The following TMEM108 variants were observed in gnomAD, a reference collection of about 807,000 sequenced individuals.
TMEM108 encodes transmembrane protein 108, also known as cancer/testis antigen 124.
In TMEM108, 12 loss-of-function variants were observed where a neutral mutation model predicts 35.1. The observed-to-expected ratio is 0.34, with a 90% CI of 0.22 to 0.55. The LOEUF (loss-of-function observed/expected upper bound fraction) is 0.55. Among genes scored for constraint, TMEM108 ranks in the 20% least tolerant of loss-of-function variants. The probability of loss-of-function intolerance (pLI) is 0.89; values close to 1 mark genes in which losing one functional copy is unlikely to be tolerated. For synonymous variants in TMEM108, 287 were observed against 308.6 expected (o/e 0.93, Z 0.73); for missense variants, 680 against 753.3 (o/e 0.90, Z 1.14).
intron 2 of TMEM108, among the ~76,000 whole-genome samples, chr3:133,169,253 A>G (rs1945091973): frequency 6.6e-6 from 1 of 152,224 alleles, no homozygotes; most frequent in Admixed American, 6.5e-5. Flanking sequence ...GTCACATTCA[A>G]ACCATAGCAG....
chr3:133,384,154 C>T (rs1009213268), intron 4 of TMEM108, among the ~76,000 whole-genome samples: 2 of 152,200 alleles, frequency 1.3e-5, no homozygotes, highest in Admixed American at 1.3e-4. Flanking sequence ...TTCTCAGTGG[C>T]TTCATTTATC....
chr3:133,372,610 A>T (rs553327760), intron 3 of TMEM108, among the ~76,000 whole-genome samples: 1 of 152,342 alleles, frequency 6.6e-6, no homozygotes, highest in African/African-American at 2.4e-5. Context: ...GCTGGAATGT[A>T]TTCAAGAGAT....
At chr3:133,162,877 C>T (rs1350221074) in intron 2 of TMEM108, among the ~76,000 whole-genome samples, 3 of 152,168 alleles carry the variant, frequency 2.0e-5, no homozygotes, top group Non-Finnish European at 4.4e-5. Flanking sequence ...TTCCCAGCTG[C>T]ATTCTGTTTG....
intron 2 of TMEM108, among the ~76,000 whole-genome samples, chr3:133,222,869 C>T (rs1274052099): frequency 6.6e-6 from 1 of 151,954 alleles, no homozygotes; most frequent in East Asian, 1.9e-4. Context: ...CACTCTGTCA[C>T]CCAGGCTGGA....
rs577653659 is a variant in TMEM108 at position 133,349,360 on chromosome 3, A to T, written c.41-30392A>T. Among the ~76,000 whole-genome samples, 28 of 152,268 alleles carry T rather than the reference A, an allele frequency of 1.8e-4. No homozygotes were observed. In the South Asian group the frequency reaches 5.6e-3, roughly 30 times the overall value. ...GTAAAGGGATTATTTAAAATAGTAG[A>T]CCAGAAGAACAAAGAAAACAGGAGA... On this transcript the variant is annotated intron_variant, in intron 3 of 5. Transcript: ENST00000321871.
intron 4 of TMEM108, chr3:133,387,451 G>A: frequency 1.0e-6 from 1 of 985,472 alleles, no homozygotes; most frequent in Non-Finnish European, 1.2e-6. Context: ...ACAGCGTGGA[G>A]CAGAACTTTC....
intron 3 of TMEM108, among the ~76,000 whole-genome samples, chr3:133,351,276 G>A (rs1354801525): frequency 6.6e-6 from 1 of 152,096 alleles, no homozygotes; most frequent in East Asian, 1.9e-4. Context: ...CTGTGTGTCT[G>A]GTGGGAAGGT....
At chr3:133,374,361 A>G (rs2072768279) in intron 3 of TMEM108, among the ~76,000 whole-genome samples, 1 of 152,194 alleles carries the variant, frequency 6.6e-6, no homozygotes, top group Non-Finnish European at 1.5e-5. Flanking sequence ...TGCACAAAAT[A>G]TCTTGCAGTA....
intron 4 of TMEM108, 40 bp from the exon 5 acceptor site, chr3:133,390,140 G>A: frequency 1.2e-6 from 2 of 1,611,900 alleles, no homozygotes; most frequent in Non-Finnish European, 1.7e-6. Flanking sequence ...CACCATCCTT[G>A]CTGCCTCCCT....
At chr3:133,205,335 A>T (rs1282333462) in intron 2 of TMEM108, among the ~76,000 whole-genome samples, 1 of 151,982 alleles carries the variant, frequency 6.6e-6, no homozygotes, top group Non-Finnish European at 1.5e-5. Context: ...GGTGAATCTG[A>T]TCCTGCCATT....
intron 2 of TMEM108, among the ~76,000 whole-genome samples, chr3:133,049,666 G>T (rs1003320996): frequency 3.9e-5 from 6 of 152,228 alleles, no homozygotes; most frequent in South Asian, 2.1e-4. Context: ...CAAATCCGCA[G>T]CCTCTGAAAC....
intron 3 of TMEM108, among the ~76,000 whole-genome samples, chr3:133,318,281 G>T (rs1007706167): frequency 2.0e-5 from 3 of 152,178 alleles, no homozygotes; most frequent in Non-Finnish European, 2.9e-5. Context: ...CACTACACTG[G>T]TACTTTCACT....
At chr3:133,118,326 T>C (rs1260156914) in intron 2 of TMEM108, among the ~76,000 whole-genome samples, 1 of 152,162 alleles carries the variant, frequency 6.6e-6, no homozygotes, top group Non-Finnish European at 1.5e-5. Flanking sequence ...TAAACTGATA[T>C]TAATAGTCTT....
intron 3 of TMEM108, among the ~76,000 whole-genome samples, chr3:133,308,088 T>G (rs1440918346): frequency 6.6e-6 from 1 of 152,156 alleles, no homozygotes; most frequent in African/African-American, 2.4e-5. Context: ...CCCTTGTAAG[T>G]TGGATTCCTA....
intron 3 of TMEM108, among the ~76,000 whole-genome samples, chr3:133,237,454 TCTC>T (rs958062401): frequency 2.6e-5 from 4 of 152,132 alleles, no homozygotes; most frequent in African/African-American, 7.2e-5. Context: ...TCTCAGGTCT[TCTC>T]CTTCTAATTC....
intron 2 of TMEM108, among the ~76,000 whole-genome samples, chr3:133,090,462 G>A (rs986129872): frequency 1.3e-5 from 2 of 152,228 alleles, no homozygotes; most frequent in Non-Finnish European, 2.9e-5. Context: ...GTATCTTTAG[G>A]ATTCTTTCCC....
chr3:133,387,571 C>A lies in TMEM108; in HGVS notation c.1451-2609C>A, dbSNP rs2073171183. Reference sequence around the variant, plus strand: ...GGGGCGGAGGACTTGGATTCTGCAACCTCTACCAGCCCAGGTTAGCAGCAT... The same window carrying A: ...GGGGCGGAGGACTTGGATTCTGCAAACTCTACCAGCCCAGGTTAGCAGCAT... On this transcript the variant is annotated intron_variant, in intron 4 of 5. Coordinates refer to ENST00000321871, the MANE Select transcript of TMEM108 (RefSeq NM_023943.4). 7.2e-6 allele frequency: 7 copies of A among 978,994 alleles called. 1 individual carries two copies. The highest frequency in any genetic ancestry group is 5.3e-4 in the Middle Eastern group (1 of 1,902). The allele number at this position is 978,994 out of a possible 1,614,324, so 60.6% of individuals were successfully genotyped here.
intron 3 of TMEM108, among the ~76,000 whole-genome samples, chr3:133,272,519 C>A (rs895516347): frequency 1.1e-4 from 16 of 152,092 alleles, no homozygotes; most frequent in Non-Finnish European, 1.9e-4. Context: ...AGTCACGCAG[C>A]TAACCACGGG....
intron 3 of TMEM108, among the ~76,000 whole-genome samples, chr3:133,266,698 G>C (rs1453407429): frequency 1.3e-5 from 2 of 152,154 alleles, no homozygotes; most frequent in Admixed American, 6.5e-5. Context: ...GCAAGAACCG[G>C]AAATTAAACA....
Sources: gnomAD v4.1 joint callset for allele counts (sites outside exome capture counted in the v4.1 genomes callset) on GRCh38, gnomAD v4.1.1 for gene constraint, MANE v1.5 for transcripts, NCBI Gene and HGNC (gene_info 2026-07-23, HGNC 2026-07-21) for gene names.